SGCD: variants seen among roughly 807,000 people sequenced by gnomAD.
The protein encoded by SGCD is delta-sarcoglycan.
In SGCD, 18 loss-of-function variants were observed where a neutral mutation model predicts 36.6. The ratio of observed to expected loss-of-function variants is 0.49; its 90% confidence interval spans 0.34 to 0.73. SGCD has a LOEUF of 0.73. Ranked by LOEUF, SGCD falls within the 30% of genes least tolerant of loss-of-function variation. The pLI, the probability that SGCD is intolerant of heterozygous loss-of-function variation, is 0.01. For synonymous variants in SGCD, 133 were observed against 130.6 expected, an observed-to-expected ratio of 1.02 and a Z score of -0.12; for missense variants, 387 against 346.7, an observed-to-expected ratio of 1.12 and a Z score of -0.92.
intron 1 of SGCD, among the ~76,000 whole-genome samples, chr5:155,988,800 G>C (rs1436575813): frequency 1.3e-5 from 2 of 152,136 alleles, no homozygotes; most frequent in Non-Finnish European, 2.9e-5. Context: ...GACACCACGG[G>C]ATAAATGTGA....
At chr5:156,566,206 G>C (rs1192244434) in intron 4 of SGCD, among the ~76,000 whole-genome samples, 1 of 152,140 alleles carries the variant, frequency 6.6e-6, no homozygotes, top group Non-Finnish European at 1.5e-5. Context: ...AGGATGTGGA[G>C]AAATAGGAAC....
chr5:156,052,788 A>T (rs763035530), intron 1 of SGCD, among the ~76,000 whole-genome samples: 4 of 146,236 alleles, frequency 2.7e-5, no homozygotes, highest in Non-Finnish European at 6.2e-5. Flanking sequence ...GCCATCTGTC[A>T]TGATGGTGTT....
chr5:156,518,889 A>T (rs1757291254), intron 4 of SGCD, among the ~76,000 whole-genome samples: 1 of 152,218 alleles, frequency 6.6e-6, no homozygotes, highest in Non-Finnish European at 1.5e-5. Context: ...AAGTGTCTGC[A>T]TCAGAAAGCT....
chr5:155,786,102 G>T, the SGCD span, among the ~76,000 whole-genome samples: 1 of 152,158 alleles, frequency 6.6e-6, no homozygotes, highest in African/African-American at 2.4e-5. Flanking sequence ...AAAAAAGTGT[G>T]AATAGTGTTG....
intron 3 of SGCD, among the ~76,000 whole-genome samples, chr5:156,191,023 A>C (rs1290567573): frequency 6.6e-6 from 1 of 152,134 alleles, no homozygotes; most frequent in Non-Finnish European, 1.5e-5. Flanking sequence ...ACATGTCAAA[A>C]GGGGAATTTA....
chr5:156,221,104 A>G (rs1334875168), intron 3 of SGCD, among the ~76,000 whole-genome samples: 1 of 152,136 alleles, frequency 6.6e-6, no homozygotes, highest in African/African-American at 2.4e-5. Context: ...TCATAATATA[A>G]TGCTGTAATA....
At chr5:155,836,474 C>G in the SGCD span, among the ~76,000 whole-genome samples, 11 of 116,316 alleles carry the variant, frequency 9.5e-5, no homozygotes, top group East Asian at 5.1e-4. Context: ...ATACCCACCC[C>G]CGCCCCGCAC....
chr5:156,167,102 C>G (rs981647481), intron 3 of SGCD, among the ~76,000 whole-genome samples: 1 of 152,096 alleles, frequency 6.6e-6, no homozygotes, highest in Non-Finnish European at 1.5e-5. Context: ...CTTCTGGCCT[C>G]AACACCCCAA....
At chr5:156,418,438 T>G (rs547215303) in intron 3 of SGCD, among the ~76,000 whole-genome samples, 7 of 152,166 alleles carry the variant, frequency 4.6e-5, no homozygotes, top group Non-Finnish European at 1.0e-4. Flanking sequence ...ACCAGCATTA[T>G]GTACAGGACA....
At chr5:156,640,982 C>A (rs996585879) in intron 6 of SGCD, among the ~76,000 whole-genome samples, 4 of 152,212 alleles carry the variant, frequency 2.6e-5, no homozygotes, top group Non-Finnish European at 5.9e-5. Context: ...CAGAAGCTGA[C>A]AGCCACCTTC....
At chr5:155,971,561 G>A (rs1194350856) in intron 1 of SGCD, among the ~76,000 whole-genome samples, 1 of 151,984 alleles carries the variant, frequency 6.6e-6, no homozygotes, top group Non-Finnish European at 1.5e-5. Context: ...TCATAAGATT[G>A]GCAGACAATT....
At chr5:156,103,228 A>T (rs984826645) in intron 1 of SGCD, among the ~76,000 whole-genome samples, 1 of 152,158 alleles carries the variant, frequency 6.6e-6, no homozygotes, top group African/African-American at 2.4e-5. Flanking sequence ...GTAATGTCTA[A>T]GCCCCACTAC....
At chr5:156,618,320 A>T (rs1762097219) in intron 6 of SGCD, among the ~76,000 whole-genome samples, 1 of 152,170 alleles carries the variant, frequency 6.6e-6, no homozygotes, top group South Asian at 2.1e-4. Context: ...GTTTAGAAAG[A>T]ATTGCTGGTT....
intron 6 of SGCD, among the ~76,000 whole-genome samples, chr5:156,608,348 G>C (rs541965225): frequency 1.3e-5 from 2 of 152,296 alleles, no homozygotes; most frequent in Non-Finnish European, 2.9e-5. Context: ...ATGTAGTTGA[G>C]CGGTTTTGAG....
chr5:156,571,306 A>G (rs567184605), intron 4 of SGCD, among the ~76,000 whole-genome samples: 26 of 152,286 alleles, frequency 1.7e-4, no homozygotes, highest in Non-Finnish European at 3.7e-4. Flanking sequence ...TGGGCCTCCC[A>G]AAGTGCTGGG....
At chr5:155,842,212 T>C in the SGCD span, among the ~76,000 whole-genome samples, 1 of 151,814 alleles carries the variant, frequency 6.6e-6, no homozygotes, top group Non-Finnish European at 1.5e-5. Flanking sequence ...GCCAGAACAA[T>C]TCTTTGCTGC....
chr5:156,111,029 A>G (rs1380495851), intron 1 of SGCD, among the ~76,000 whole-genome samples: 3 of 152,284 alleles, frequency 2.0e-5, no homozygotes, highest in Admixed American at 1.3e-4. Context: ...TATTTACACT[A>G]TTACATTAAA....
At chr5:156,379,940 A>G (rs751122845) in intron 3 of SGCD, among the ~76,000 whole-genome samples, 5 of 152,014 alleles carry the variant, frequency 3.3e-5, no homozygotes, top group African/African-American at 7.3e-5. Context: ...GAAATAGCCC[A>G]CTCTTTGGAT....
chr5:156,125,372 C>A (rs1762145394), intron 3 of SGCD, among the ~76,000 whole-genome samples: 1 of 151,944 alleles, frequency 6.6e-6, no homozygotes, highest in Non-Finnish European at 1.5e-5. Flanking sequence ...CTGAATTTCT[C>A]ACTGCTAGAG....
Sources: gnomAD v4.1 joint callset for allele counts (sites outside exome capture counted in the v4.1 genomes callset) on GRCh38, gnomAD v4.1.1 for gene constraint, MANE v1.5 for transcripts, NCBI Gene and HGNC (gene_info 2026-07-23, HGNC 2026-07-21) for gene names.